SCN7A: variants seen among roughly 807,000 people sequenced by gnomAD.
SCN7A encodes the protein sodium channel protein type 7 subunit alpha.
A neutral mutation model predicts 155.2 loss-of-function variants in SCN7A; 138 were observed. The ratio of observed to expected loss-of-function variants is 0.89; its 90% CI spans 0.77 to 1.02. The LOEUF is 1.02. SCN7A is among the 50% of genes least tolerant of loss of function. The probability of loss-of-function intolerance (pLI) is 0.00; values close to 1 mark genes in which losing one functional copy is unlikely to be tolerated. For synonymous variants in SCN7A, 693 were observed against 649.0 expected (o/e 1.07, Z -1.03); for missense variants, 2,058 against 1,986.6 (o/e 1.04, Z -0.68).
At chr2:166,467,733 C>A (rs1244319760) in intron 7 of SCN7A, among the ~76,000 whole-genome samples, 3 of 151,538 alleles carry the variant, frequency 2.0e-5, no homozygotes, top group African/African-American at 7.3e-5. Context: ...TAACTTCCTC[C>A]TCCTTTTAAA....
intron 15 of SCN7A, 168 bp downstream of exon 15, chr2:166,441,227 CA>C (rs1701952424): frequency 2.0e-6 from 1 of 493,728 alleles, no homozygotes; most frequent in African/African-American, 2.0e-5. Context: ...CAGCACATTT[CA>C]AATGGAACTA....
Position 166,470,609 on chromosome 2 carries a change from T to G in SCN7A, c.664+6A>C. ...TGAAGAAAAGACATTCAATGCAATT[T>G]CTTACCTTGATTTAAAGGAATAATT... On this transcript the variant is annotated splice_donor_region_variant and intron_variant, in intron 7 of 25. Transcript: ENST00000643258. 1.3e-6 allele frequency: 2 copies of G among 1,594,692 alleles called. No individual in the cohort carries two copies. The highest frequency in any genetic ancestry group is 1.7e-6 in the Non-Finnish European group (2 of 1,168,242).
intron 11 of SCN7A, among the ~76,000 whole-genome samples, chr2:166,451,239 A>G (rs1230378001): frequency 1.3e-5 from 2 of 152,212 alleles, no homozygotes; most frequent in African/African-American, 4.8e-5. Flanking sequence ...AACTATGGAT[A>G]GATTTTAGAA....
chr2:166,411,035 G>A (rs981903408), intron 23 of SCN7A, among the ~76,000 whole-genome samples: 30 of 151,906 alleles, frequency 2.0e-4, no homozygotes, highest in Non-Finnish European at 3.8e-4. Context: ...GTTGATATTC[G>A]TAGAAAGCTG....
rs1188002726 is a variant in SCN7A at position 166,477,540 on chromosome 2, T to C, written c.157A>G (p.Ile53Val). ...DLEVGKKLPF[I>V]YGNLSQGMVS... is the part of the protein sequence containing the mutation. ...ATTCCTTGAGAAAGGTTTCCATAAA[T>C]AAATGGAAGCTTTTTGCCAACTTCC... The change falls in exon 3 of 26, where the codon ATT (isoleucine) becomes GTT (valine). Residue 53 changes from isoleucine to valine, a missense_variant. Coordinates refer to ENST00000643258, the MANE Select transcript of SCN7A (RefSeq NM_002976.4). 4.5e-6 allele frequency: 7 copies of C among 1,564,574 alleles called. No individual in the cohort carries two copies. The highest frequency in any genetic ancestry group is 6.1e-6 in the Non-Finnish European group (7 of 1,152,498).
chr2:166,427,708 T>C (rs554794981), intron 18 of SCN7A, 80 bp downstream of exon 18: 44 of 1,289,166 alleles, frequency 3.4e-5, no homozygotes, highest in Admixed American at 4.7e-5. Flanking sequence ...AATGTAATCC[T>C]GGTTTTGACT....
intron 15 of SCN7A, among the ~76,000 whole-genome samples, chr2:166,433,490 T>C (rs577680657): frequency 4.2e-4 from 64 of 152,248 alleles, no homozygotes; most frequent in African/African-American, 1.4e-3. Context: ...TGACATCCTA[T>C]GCAATATGAT....
chr2:166,408,528 G>T (rs1701125529), intron 25 of SCN7A, among the ~76,000 whole-genome samples: 1 of 151,916 alleles, frequency 6.6e-6, no homozygotes, highest in African/African-American at 2.4e-5. Context: ...CTCTGATGAA[G>T]TCCCCTTCAG....
chr2:166,406,813 T>C (rs1173976930), intron 25 of SCN7A, among the ~76,000 whole-genome samples, 167 bp from the exon 26 acceptor site: 2 of 152,076 alleles, frequency 1.3e-5, no homozygotes, highest in East Asian at 3.9e-4. Context: ...TGTTGAAAGT[T>C]TGGGTCAGCC....
Position 166,421,306 on chromosome 2 carries a change from T to A in SCN7A, c.3028-9A>T, listed in dbSNP as rs540433099. On this transcript the variant is annotated splice_polypyrimidine_tract_variant and intron_variant, in intron 19 of 25. Coordinates refer to ENST00000643258, the MANE Select transcript of SCN7A (RefSeq NM_002976.4). The stretch of plus-strand genomic sequence containing the variant: ...AAGCTAAGACAAAACACCTATATAT[T>A]TTTTTTAAAAAAAGAGTGAATAGGA... The A allele has an allele frequency of 1.2e-3, 1,686 of 1,436,658 alleles. 12 individuals are homozygous for A. The South Asian group carries it at 0.012, about 10-fold the overall frequency. The allele number at this position is 1,436,658 out of a possible 1,614,324, so 89.0% of individuals were successfully genotyped here. A position where few individuals can be genotyped will look rare whatever the true frequency, so the allele number is the denominator to read the frequency against.
rs1448445806 is a variant in SCN7A at position 166,443,696 on chromosome 2, A to G, written c.1627-20T>C. ...GAAAACCTAAATCAAAACCAAATAC[A>G]TAGGTGAGAATATGATTCCAATAGC... On this transcript the variant is annotated intron_variant, in intron 13 of 25. Coordinates refer to ENST00000643258, the MANE Select transcript of SCN7A (RefSeq NM_002976.4). 35 of 1,490,584 alleles carry G rather than the reference A, an allele frequency of 2.3e-5. No individual in the cohort carries two copies. Among genetic ancestry groups the G allele is most frequent in the Non-Finnish European group, 2.9e-5 (32 of 1,106,618 alleles). 92.3% of individuals were successfully genotyped at this position (1,490,584 alleles called of 1,614,324 possible).
Position 166,429,216 on chromosome 2 carries a change from T to C in SCN7A, c.2651A>G (p.Glu884Gly), listed in dbSNP as rs1280679340. Residue 884 changes from glutamate (E) to glycine (G), a missense_variant, in exon 17 of 26, where the codon GAA (glutamate) becomes GGA (glycine). Coordinates refer to ENST00000643258, the MANE Select transcript of SCN7A (RefSeq NM_002976.4). ...CSTVDIAISE[E>G]EEMFYGGERS... is the part of the protein sequence containing the mutation. ...TTCACCTCCATAGAACATTTCTTCT[T>C]CTTCAGAGATAGCAATATCAACAGT... 2.6e-6 allele frequency: 4 copies of C among 1,548,382 alleles called. No homozygotes were observed. In the East Asian group the frequency reaches 7.2e-5, roughly 28 times the overall value.
intron 12 of SCN7A, among the ~76,000 whole-genome samples, chr2:166,445,983 TA>T: frequency 6.6e-6 from 1 of 152,120 alleles, no homozygotes; most frequent in East Asian, 1.9e-4. Context: ...CCTTCATGAC[TA>T]AAACACCAAA....
chr2:166,461,248 C>A (rs1430208444), intron 10 of SCN7A, among the ~76,000 whole-genome samples: 1 of 151,888 alleles, frequency 6.6e-6, no homozygotes, highest in Non-Finnish European at 1.5e-5. Flanking sequence ...TAAGCATGGA[C>A]TGGATGTGTA....
At chr2:166,436,229 T>G in intron 15 of SCN7A, 1 of 205,980 alleles carries the variant, frequency 4.9e-6, no homozygotes, top group South Asian at 5.2e-5. Flanking sequence ...CCCCACATGT[T>G]GTGGGAGGGA....
Position 166,419,562 on chromosome 2 carries a change from TTAC to T in SCN7A, c.3135+1625_3135+1627del. Among the ~76,000 whole-genome samples the T allele has an allele frequency of 5.3e-5, 8 of 152,138 alleles. 1 individual carries two copies. Among genetic ancestry groups the T allele is most frequent in the African/African-American group, 1.9e-4 (8 of 41,542 alleles). On this transcript the variant is annotated intron_variant, in intron 20 of 25. Transcript: ENST00000643258. ...TTGTATTTTTTGTAGAGACAGGGTC[TTAC>T]TGTGTTACCCGGGCTCGTCTCAAAC...
chr2:166,466,062 C>A (rs1702528768), intron 7 of SCN7A, 75 bp from the exon 8 acceptor site: 2 of 928,078 alleles, frequency 2.2e-6, no homozygotes, highest in East Asian at 2.6e-5. Context: ...TCTCCCACAG[C>A]AACTGCATAC....
At chr2:166,475,837 C>T (rs1702785037) in intron 3 of SCN7A, among the ~76,000 whole-genome samples, 1 of 151,966 alleles carries the variant, frequency 6.6e-6, no homozygotes. Context: ...CAGCACTTTT[C>T]TACCAAGCTA....
intron 16 of SCN7A, among the ~76,000 whole-genome samples, chr2:166,430,204 G>A (rs1701704958): frequency 6.6e-6 from 1 of 151,858 alleles, no homozygotes; most frequent in Admixed American, 6.6e-5. Flanking sequence ...TCAATATTTT[G>A]TCCTACCTCT....
Sources: allele counts gnomAD v4.1 joint callset (sites outside exome capture counted in the v4.1 genomes callset), GRCh38; gene constraint gnomAD v4.1.1; transcripts MANE v1.5; gene names NCBI Gene and HGNC (gene_info 2026-07-23, HGNC 2026-07-21).